ZFR2: variants seen among roughly 807,000 people sequenced by gnomAD.
The protein encoded by ZFR2 is zinc finger RNA binding protein 2, also known as zinc finger RNA-binding protein 2.
A neutral mutation model predicts 105.7 loss-of-function variants in ZFR2; 104 were observed. That is an observed-to-expected ratio of 0.98 (90% CI 0.84 to 1.16). The LOEUF is 1.16. ZFR2 is among the 50% of genes most tolerant of loss of function. The pLI is 0.00. For missense variants in ZFR2, 1,425 were observed against 1,355.5 expected (o/e 1.05, Z -0.80); for synonymous variants, 634 against 597.7 (o/e 1.06, Z -0.89).
In ZFR2 at chr19:3,834,862, C is replaced by T; in HGVS notation, c.175G>A (p.Gly59Arg). Residue 59 changes from glycine to arginine, a missense_variant, in exon 2 of 19, where the codon GGA becomes AGA. By Grantham distance (125) the Gly-to-Arg change is moderately radical (BLOSUM62 -2). Transcript: ENST00000262961. This position sits in a 1 kb window ranked among gnomAD's most constrained non-coding sequence, Gnocchi z 5.3. ...FPPAAPAGYG[G>R]YQPHSGQDFA... Reference sequence around the variant, plus strand: ...TCCTGGCCGGAGTGGGGCTGGTATCCACCGTACCCTGCCGGGGCAGCTGGG... The same window carrying T: ...TCCTGGCCGGAGTGGGGCTGGTATCTACCGTACCCTGCCGGGGCAGCTGGG... 6.2e-7 allele frequency: 1 copy of T among 1,611,906 alleles called. No homozygotes were observed.
chr19:3,831,811 C>T lies in ZFR2; in HGVS notation c.447G>A (p.Gln149=), dbSNP rs537813555. The change falls in exon 4 of 19, where the codon CAG becomes CAA. Residue 149 remains glutamine, a synonymous_variant. Coordinates refer to ENST00000262961, the MANE Select transcript of ZFR2 (RefSeq NM_015174.2). ...GSHSHAQPPQ[Q]APIVESGQPA... The stretch of plus-strand genomic sequence containing the variant: ...GCTGTCCGGACTCCACTATGGGCGC[C>T]TGCTGTGGGGGCTGAGCGTGGCTGT... The T allele has an allele frequency of 3.8e-5, 61 of 1,609,078 alleles. No individual in the cohort carries two copies. In the African/African-American group the frequency reaches 7.9e-4, roughly 21 times the overall value.
At chr19:3,855,787 G>T (rs558129695) in intron 1 of ZFR2, among the ~76,000 whole-genome samples, 1 of 152,262 alleles carries the variant, frequency 6.6e-6, no homozygotes, top group Admixed American at 6.5e-5. Context: ...GGGCCTGAGG[G>T]TGAAGTGCCC....
chr19:3,807,151 G>A, intron 18 of ZFR2, 21 bp downstream of exon 18: 1 of 1,538,812 alleles, frequency 6.5e-7, no homozygotes, highest in South Asian at 1.2e-5. Context: ...TGTCACCCTT[G>A]CCGTGACTTG....
Position 3,820,861 on chromosome 19 carries a change from A to T in ZFR2, c.1631+479T>A, listed in dbSNP as rs1446329738. On this transcript the variant is annotated intron_variant, in intron 10 of 18. Transcript: ENST00000262961. Reference sequence around the variant, plus strand: ...ACACAGGGACACCGGGGGTCGGGGGACACAGGGACACTAGAGGTCGGGGGA... The same window carrying T: ...ACACAGGGACACCGGGGGTCGGGGGTCACAGGGACACTAGAGGTCGGGGGA... Among the ~76,000 whole-genome samples, 901 of 124,386 alleles carry T rather than the reference A, an allele frequency of 7.2e-3. 95 individuals carry two copies. The highest frequency in any genetic ancestry group is 9.6e-3 in the East Asian group (39 of 4,054). The allele number at this position is 124,386 out of a possible 152,430, so 81.6% of individuals were successfully genotyped here. A position where few individuals can be genotyped will look rare whatever the true frequency, so the allele number is the denominator to read the frequency against.
At chr19:3,866,514 T>G (rs12984689) in intron 1 of ZFR2, among the ~76,000 whole-genome samples, 30 of 131,728 alleles carry the variant, frequency 2.3e-4, no homozygotes, top group Non-Finnish European at 3.3e-4. Flanking sequence ...CTAAAATGTA[T>G]AAGCACGTTA....
intron 1 of ZFR2, among the ~76,000 whole-genome samples, chr19:3,848,584 G>A (rs1356000535): frequency 6.6e-6 from 1 of 152,118 alleles, no homozygotes; most frequent in African/African-American, 2.4e-5. Flanking sequence ...TGGTGCACCT[G>A]CAGTCCCAGC....
intron 16 of ZFR2, among the ~76,000 whole-genome samples, chr19:3,810,228 G>C (rs1295953182): frequency 6.6e-6 from 1 of 152,240 alleles, no homozygotes; most frequent in East Asian, 1.9e-4. Context: ...TGTGGGGACT[G>C]GGTGGGTTCC....
At chr19:3,832,984 C>A (rs983095164) in intron 3 of ZFR2, among the ~76,000 whole-genome samples, 1 of 151,280 alleles carries the variant, frequency 6.6e-6, no homozygotes. Context: ...CAGTGGCTCA[C>A]GCCTGTAATC....
At chr19:3,826,681 A>T (rs571165051) in intron 6 of ZFR2, among the ~76,000 whole-genome samples, 28 of 151,016 alleles carry the variant, frequency 1.9e-4, no homozygotes, top group African/African-American at 2.4e-4. Flanking sequence ...CATGCGATCC[A>T]CTCGCCTCGG....
At chr19:3,848,853 G>T (rs1321957039) in intron 1 of ZFR2, among the ~76,000 whole-genome samples, 1 of 151,326 alleles carries the variant, frequency 6.6e-6, no homozygotes, top group African/African-American at 2.4e-5. Flanking sequence ...AATTAGCCAG[G>T]TGTGGTGGCG....
rs2037799089 is a variant in ZFR2, at chr19:3,813,944, ATCC to A, written c.2115_2117del (p.Glu705del). The A allele has an allele frequency of 4.3e-6, 7 of 1,613,820 alleles. No homozygotes were observed. The Admixed American group carries it at 1.0e-4, about 23-fold the overall frequency. ...CAGGGTCGGAGGAGACCTCATACTCATCCTCGGTCACCATCTGGGAGGGGTAAA... is the reference window on the plus strand; with the variant it reads ...CAGGGTCGGAGGAGACCTCATACTCATCGGTCACCATCTGGGAGGGGTAAA... On this transcript the variant is annotated inframe_deletion, in exon 14 of 19. Coordinates refer to ENST00000262961, the MANE Select transcript of ZFR2 (RefSeq NM_015174.2). This position sits in a 1 kb window ranked among gnomAD's most constrained non-coding sequence, Gnocchi z 4.4.
chr19:3,826,128 C>T (rs1391544775), intron 6 of ZFR2, among the ~76,000 whole-genome samples: 2 of 152,136 alleles, frequency 1.3e-5, no homozygotes, highest in South Asian at 4.1e-4. Context: ...CCTAGCTCTC[C>T]GGTCCCCAGG....
At chr19:3,846,374 T>C (rs1011104042) in intron 1 of ZFR2, among the ~76,000 whole-genome samples, 1 of 152,238 alleles carries the variant, frequency 6.6e-6, no homozygotes, top group Non-Finnish European at 1.5e-5. Context: ...CCATCTTTGA[T>C]GTTTTGCCGA....
At chr19:3,857,721 G>T (rs1290241399) in intron 1 of ZFR2, among the ~76,000 whole-genome samples, 2 of 146,724 alleles carry the variant, frequency 1.4e-5, no homozygotes, top group African/African-American at 5.1e-5. Flanking sequence ...AAAAAGTCAT[G>T]AATTTATTCT....
intron 1 of ZFR2, among the ~76,000 whole-genome samples, chr19:3,847,757 G>A (rs908964166): frequency 6.6e-6 from 1 of 152,150 alleles, no homozygotes; most frequent in African/African-American, 2.4e-5. Context: ...AATGCTCCAA[G>A]GCTTATTCTA....
chr19:3,860,108 G>A (rs2038355130), intron 1 of ZFR2, among the ~76,000 whole-genome samples: 4 of 151,874 alleles, frequency 2.6e-5, no homozygotes, highest in Admixed American at 2.6e-4. Flanking sequence ...ATAGTTCACT[G>A]TGGCCTCAAA....
At chr19:3,810,289 G>C (rs2037747457) in intron 16 of ZFR2, among the ~76,000 whole-genome samples, 1 of 152,204 alleles carries the variant, frequency 6.6e-6, no homozygotes, top group South Asian at 2.1e-4. Context: ...TGAACCTTGT[G>C]GTGAGGGGAT....
Position 3,831,734 on chromosome 19 carries a change from T to A in ZFR2, c.524A>T (p.Gln175Leu). The change falls in exon 4 of 19, where the codon CAG becomes CTG. Residue 175 changes from glutamine to leucine, a missense_variant. Physicochemically the swap from Gln to Leu is moderately radical, Grantham distance 113. Transcript: ENST00000262961. ...GYTYPTATGVQPESSASIVTS... is the reference protein window; with the variant it reads ...GYTYPTATGVLPESSASIVTS... ...CACGATGGAAGCTGACGACTCGGGC[T>A]GGACGCCTGTCGCCGTGGGGTAGGT... The A allele has an allele frequency of 6.2e-7, 1 of 1,604,964 alleles. No homozygotes were observed. Among genetic ancestry groups the A allele is most frequent in the Non-Finnish European group, 8.5e-7 (1 of 1,175,818 alleles).
chr19:3,830,970 CATGCACACACAT>C (rs1853984428), intron 5 of ZFR2, among the ~76,000 whole-genome samples: 2 of 147,414 alleles, frequency 1.4e-5, no homozygotes, highest in South Asian at 4.4e-4. Context: ...CACGCACACA[CATGCACACACAT>C]ACACACACGC....
Sources: gnomAD v4.1 joint callset for allele counts (sites outside exome capture counted in the v4.1 genomes callset) on GRCh38, gnomAD v4.1.1 for gene constraint, Gnocchi (gnomAD v3.1) non-coding constraint, MANE v1.5 for transcripts, NCBI Gene and HGNC (gene_info 2026-07-23, HGNC 2026-07-21) for gene names.